Variants in INSR observed in about 807,000 individuals in gnomAD.
INSR encodes the protein IR.
Under a neutral mutation model 142.6 loss-of-function variants are expected in INSR, and 67 were observed. That is an observed-to-expected ratio of 0.47 (90% CI 0.39 to 0.58). The LOEUF is 0.58. Ranked by LOEUF, INSR falls within the 20% of genes least tolerant of loss-of-function variation. The probability of loss-of-function intolerance (pLI) is 0.00; values close to 1 mark genes in which losing one functional copy is unlikely to be tolerated. For synonymous variants in INSR, 756 were observed against 743.1 expected (o/e 1.02, Z -0.28); for missense variants, 1,248 against 1,833.2 (o/e 0.68, Z 5.83).
chr19:7,263,853 G>A (rs1038383920), intron 2 of INSR, among the ~76,000 whole-genome samples: 1 of 152,020 alleles, frequency 6.6e-6, no homozygotes, highest in Non-Finnish European at 1.5e-5. Flanking sequence ...GCCAAACCCT[G>A]TCTCTACAAC....
chr19:7,157,699 A>C (rs1451151634), intron 9 of INSR, among the ~76,000 whole-genome samples: 1 of 151,918 alleles, frequency 6.6e-6, no homozygotes, highest in Non-Finnish European at 1.5e-5. Flanking sequence ...CTTTACAAGC[A>C]AAATCTGCAA....
rs1431895737 is a variant in INSR, at chr19:7,119,146, T to C, written c.3794+303A>G. On this transcript the variant is annotated intron_variant, in intron 21 of 21. Coordinates refer to ENST00000302850, the MANE Select transcript of INSR (RefSeq NM_000208.4). This position sits in a 1 kb window ranked among gnomAD's most constrained non-coding sequence, Gnocchi z 5.2. ...ATGTAAATGAGGTGTACATGTGCCA[T>C]GATATGCTGATGCACACAGAAACAT... Among the ~76,000 whole-genome samples, 2 of 152,174 alleles carry C rather than the reference T, an allele frequency of 1.3e-5. No homozygotes were observed. The highest frequency in any genetic ancestry group is 2.9e-5 in the Non-Finnish European group (2 of 68,042).
chr19:7,146,572 T>C (rs1403382231), intron 11 of INSR, among the ~76,000 whole-genome samples: 11 of 152,202 alleles, frequency 7.2e-5, no homozygotes, highest in Non-Finnish European at 1.6e-4. Context: ...GGGTGTTATG[T>C]TCATTTCATA....
Position 7,119,317 on chromosome 19 carries a change from A to T in INSR, c.3794+132T>A. ...GTAAAGACAAGCTATGCAAACACAA[A>T]CACACCTGTAACATACAGCATGCAA... is the stretch of plus-strand genomic sequence containing the variant. On this transcript the variant is annotated intron_variant, in intron 21 of 21. Transcript: ENST00000302850. This position sits in a 1 kb window ranked among gnomAD's most constrained non-coding sequence, Gnocchi z 5.2. The T allele has an allele frequency of 9.5e-7, 1 of 1,051,296 alleles. No homozygotes were observed. The highest frequency in any genetic ancestry group is 1.5e-6 in the Non-Finnish European group (1 of 676,020). The allele number at this position is 1,051,296 out of a possible 1,614,324, so 65.1% of individuals were successfully genotyped here.
intron 2 of INSR, among the ~76,000 whole-genome samples, chr19:7,193,503 T>G (rs1335026033): frequency 6.7e-6 from 1 of 150,258 alleles, no homozygotes; most frequent in African/African-American, 2.4e-5. Context: ...AGAGTGAGAC[T>G]CCATCTCATA....
rs1367161915 is a variant in INSR at position 7,184,564 on chromosome 19, G to A, written c.726C>T (p.Asn242=). 1.9e-5 allele frequency: 31 copies of A among 1,613,558 alleles called. No homozygotes were observed. The highest frequency in any genetic ancestry group is 2.6e-5 in the Non-Finnish European group (31 of 1,179,990). The change falls in exon 3 of 22, where the codon AAC becomes AAT. Residue 242 remains asparagine (N), a synonymous_variant. Coordinates refer to ENST00000302850, the MANE Select transcript of INSR (RefSeq NM_000208.4). ...TGGTGGGGTCGTCGGGCTGAGAACAGTTGCCCAGGCACTCGCTGTGGCAAC... is the reference window on the plus strand; with the variant it reads ...TGGTGGGGTCGTCGGGCTGAGAACAATTGCCCAGGCACTCGCTGTGGCAAC... ...GLCCHSECLG[N]CSQPDDPTKC...
chr19:7,250,391 GAAGGAAGGGAGGT>G (rs779775151), intron 2 of INSR, among the ~76,000 whole-genome samples: 5 of 140,512 alleles, frequency 3.6e-5, no homozygotes, highest in African/African-American at 8.6e-5. Context: ...GGAAGGGAGA[GAAGGAAGGGAGGT>G]AAGAAATAAA....
chr19:7,290,345 G>T (rs8113253), intron 1 of INSR, among the ~76,000 whole-genome samples: 5,001 of 152,222 alleles, frequency 0.033, 298 homozygotes, highest in African/African-American at 0.11. Context: ...GGTCGAGGCT[G>T]CAGTGAGCCA....
intron 13 of INSR, among the ~76,000 whole-genome samples, chr19:7,135,194 C>G (rs2092498785): frequency 6.6e-6 from 1 of 150,434 alleles, no homozygotes; most frequent in Admixed American, 6.6e-5. Context: ...CAGGGAACTC[C>G]AGTCCAAAGT....
At chr19:7,141,438 TTAGA>T (rs747668897) in intron 13 of INSR, 66 of 557,738 alleles carry the variant, frequency 1.2e-4, no homozygotes, top group Non-Finnish European at 1.9e-4. Context: ...ATCATTCAAC[TTAGA>T]GGACACAGCT....
Position 7,292,476 on chromosome 19 carries a change from G to C in INSR, c.100+1316C>G, listed in dbSNP as rs1049867627. On this transcript the variant is annotated intron_variant, in intron 1 of 21. Transcript: ENST00000302850. Reference sequence around the variant, plus strand: ...AGGCACCTGGGGGCGGGGCTGGGGGGGGGTGGGCCCGGGGCTTTTAGACAT... The same window carrying C: ...AGGCACCTGGGGGCGGGGCTGGGGGCGGGTGGGCCCGGGGCTTTTAGACAT... 5.3e-4 allele frequency among the ~76,000 whole-genome samples: 79 copies of C among 148,850 alleles called. 1 individual carries two copies. Among genetic ancestry groups the C allele is most frequent in the Admixed American group, 1.3e-3 (19 of 14,796 alleles).
chr19:7,134,288 T>C (rs1192852671), intron 13 of INSR, among the ~76,000 whole-genome samples: 1 of 152,174 alleles, frequency 6.6e-6, no homozygotes, highest in East Asian at 1.9e-4. Context: ...TCCAGCAAAA[T>C]TAGAAAAGAG....
intron 2 of INSR, among the ~76,000 whole-genome samples, chr19:7,249,164 T>G (rs558317006): frequency 1.3e-5 from 2 of 152,268 alleles, no homozygotes; most frequent in Non-Finnish European, 2.9e-5. Context: ...CTAACTTTTT[T>G]CCTGCATCAA....
chr19:7,276,624 C>T (rs973098958), intron 1 of INSR, among the ~76,000 whole-genome samples: 7 of 152,174 alleles, frequency 4.6e-5, no homozygotes, highest in South Asian at 2.1e-4. Context: ...AGAAATCTAA[C>T]GAATCTGGCT....
chr19:7,153,507 A>AG (rs76397691), intron 9 of INSR, among the ~76,000 whole-genome samples: 1 of 134,406 alleles, frequency 7.4e-6, no homozygotes, highest in Non-Finnish European at 1.7e-5. Context: ...CACACAGTGA[A>AG]GGGGGCCTTC....
At chr19:7,154,296 A>C (rs1275429363) in intron 9 of INSR, among the ~76,000 whole-genome samples, 3 of 143,834 alleles carry the variant, frequency 2.1e-5, no homozygotes, top group South Asian at 4.4e-4. Flanking sequence ...AAAAACCACA[A>C]TTACTTTTTT....
At chr19:7,253,819 A>C (rs1204274950) in intron 2 of INSR, among the ~76,000 whole-genome samples, 1 of 151,988 alleles carries the variant, frequency 6.6e-6, no homozygotes, top group Admixed American at 6.6e-5. Context: ...ATTTGAGGCC[A>C]GGAGTTTGAG....
At chr19:7,234,000 A>G (rs971038433) in intron 2 of INSR, among the ~76,000 whole-genome samples, 4 of 148,878 alleles carry the variant, frequency 2.7e-5, no homozygotes, top group Non-Finnish European at 6.0e-5. Context: ...TCCACCTCCC[A>G]GGTTCAAGTG....
intron 8 of INSR, among the ~76,000 whole-genome samples, chr19:7,164,105 A>G (rs1413307249): frequency 2.0e-5 from 3 of 149,938 alleles, no homozygotes; most frequent in Non-Finnish European, 3.0e-5. Flanking sequence ...AAAAAAAAAA[A>G]AAAAAAAAAA....
Sources: gnomAD v4.1 joint callset for allele counts (sites outside exome capture counted in the v4.1 genomes callset) on GRCh38, gnomAD v4.1.1 for gene constraint, Gnocchi (gnomAD v3.1) non-coding constraint, MANE v1.5 for transcripts, NCBI Gene and HGNC (gene_info 2026-07-23, HGNC 2026-07-21) for gene names.